Variants in DOK5 observed in about 807,000 individuals in gnomAD.
DOK5 encodes the protein downstream of tyrosine kinase 5.
In DOK5, 27 loss-of-function variants were observed where a neutral mutation model predicts 43.3. That is an observed-to-expected ratio of 0.62 (90% CI 0.46 to 0.86). DOK5 has a LOEUF of 0.86. DOK5 is among the 40% of genes least tolerant of loss of function. The pLI, the probability that DOK5 is intolerant of heterozygous loss-of-function variation, is 0.00. For missense variants in DOK5, 373 were observed against 392.9 expected (o/e 0.95, Z 0.43); for synonymous variants, 146 against 140.1 (o/e 1.04, Z -0.30).
intron 1 of DOK5, among the ~76,000 whole-genome samples, chr20:54,479,967 C>T (rs1484700934): frequency 1.3e-5 from 2 of 152,072 alleles, no homozygotes; most frequent in African/African-American, 2.4e-5. Flanking sequence ...ATCCGGCTGT[C>T]ACCTCACGCT....
At chr20:54,484,699 A>G (rs1981859777) in intron 1 of DOK5, among the ~76,000 whole-genome samples, 1 of 152,022 alleles carries the variant, frequency 6.6e-6, no homozygotes, top group African/African-American at 2.4e-5. Flanking sequence ...TCCTTTTGTC[A>G]TTTTGTCATT....
At chr20:54,635,043 G>C (rs1227888146) in intron 6 of DOK5, among the ~76,000 whole-genome samples, 17 of 152,104 alleles carry the variant, frequency 1.1e-4, no homozygotes, top group Admixed American at 1.1e-3. Context: ...TGAAAAACCA[G>C]TTCAGCCCAT....
intron 7 of DOK5, among the ~76,000 whole-genome samples, chr20:54,644,719 A>ACAAAAC (rs1158595115): frequency 7.8e-5 from 10 of 128,070 alleles, no homozygotes; most frequent in Middle Eastern, 3.7e-3. Flanking sequence ...AAAAAAAAAA[A>ACAAAAC]AAAAACAAAA....
At position 54,478,017 on chromosome 20, in the gene DOK5, G is replaced by A. The variant is rs572111365; in HGVS notation, c.66+2005G>A. 2.0e-5 allele frequency among the ~76,000 whole-genome samples: 3 copies of A among 152,282 alleles called. No individual in the cohort carries two copies. The East Asian group carries it at 5.8e-4, about 29-fold the overall frequency. ...TTTTATGTTTTACAGCATTTTGGAT[G>A]CTAATGAGCAGTATACTTTCTCAAG... On this transcript the variant is annotated intron_variant, in intron 1 of 7. Transcript: ENST00000262593.
chr20:54,481,092 T>C (rs1981688472), intron 1 of DOK5, among the ~76,000 whole-genome samples: 1 of 117,744 alleles, frequency 8.5e-6, no homozygotes, highest in African/African-American at 4.0e-5. Context: ...TCATCTACCA[T>C]CTATCTATCT....
Position 54,650,709 on chromosome 20 carries a change from T to C in DOK5, c.*230T>C, listed in dbSNP as rs960142531. ...GTGCTCTATAGATATTGACTCTGTG[T>C]TCCCTCTTTTACAGCTGGACAGAAA... On this transcript the variant is annotated 3_prime_UTR_variant, in exon 8 of 8. Coordinates refer to ENST00000262593, the MANE Select transcript of DOK5 (RefSeq NM_018431.5). 2.5e-6 allele frequency: 1 copy of C among 402,066 alleles called. No individual in the cohort carries two copies. The highest frequency in any genetic ancestry group is 2.1e-5 in the African/African-American group (1 of 48,258). 24.9% of individuals were successfully genotyped at this position (402,066 alleles called of 1,614,324 possible).
intron 2 of DOK5, chr20:54,555,289 A>T (rs529987672): frequency 2.2e-4 from 94 of 423,014 alleles, no homozygotes; most frequent in African/African-American, 1.8e-3. Flanking sequence ...TATGGGACTT[A>T]TCATGTTGTT....
chr20:54,558,373 A>G (rs1984784127), intron 2 of DOK5, among the ~76,000 whole-genome samples: 2 of 152,302 alleles, frequency 1.3e-5, no homozygotes, highest in South Asian at 4.1e-4. Context: ...ATTCTCTTTC[A>G]CCTATAATAA....
intron 7 of DOK5, among the ~76,000 whole-genome samples, chr20:54,647,719 G>A (rs915653254): frequency 1.5e-4 from 23 of 152,022 alleles, no homozygotes; most frequent in African/African-American, 5.3e-4. Context: ...GGTCAAACGC[G>A]TCTGGGGGAA....
At chr20:54,486,960 A>T (rs887431269) in intron 1 of DOK5, among the ~76,000 whole-genome samples, 32 of 152,184 alleles carry the variant, frequency 2.1e-4, no homozygotes, top group African/African-American at 7.2e-4. Context: ...AATAAAAAAA[A>T]AGGTTGCATT....
chr20:54,487,461 T>A (rs1369937216), intron 1 of DOK5, among the ~76,000 whole-genome samples: 4 of 152,148 alleles, frequency 2.6e-5, no homozygotes, highest in African/African-American at 7.2e-5. Context: ...AAAAGCAAAG[T>A]AACTTAATTA....
At chr20:54,639,829 C>T (rs192077359) in intron 6 of DOK5, among the ~76,000 whole-genome samples, 2 of 152,196 alleles carry the variant, frequency 1.3e-5, no homozygotes, top group East Asian at 3.9e-4. Context: ...AAAACATTAC[C>T]AAACTTCTAG....
At position 54,650,505 on chromosome 20, in the gene DOK5, C is replaced by T. The variant is rs535580638; in HGVS notation, c.*26C>T. 4 of 1,608,504 alleles carry T rather than the reference C, an allele frequency of 2.5e-6. No individual in the cohort carries two copies. The South Asian group carries it at 3.3e-5, about 13-fold the overall frequency. ...CAGTAACTGCCAAGAATTGTTAACA[C>T]ACTTGTGATGTGTCAGCCACAGATT... On this transcript the variant is annotated 3_prime_UTR_variant, in exon 8 of 8. Transcript: ENST00000262593.
At chr20:54,601,329 A>C (rs1424239157) in intron 5 of DOK5, among the ~76,000 whole-genome samples, 2 of 152,254 alleles carry the variant, frequency 1.3e-5, no homozygotes, top group Non-Finnish European at 2.9e-5. Context: ...ATTCCAACCC[A>C]TTTCTTATAA....
intron 1 of DOK5, among the ~76,000 whole-genome samples, chr20:54,537,494 A>G (rs181056280): frequency 3.3e-4 from 51 of 152,334 alleles, no homozygotes; most frequent in African/African-American, 1.1e-3. Context: ...AATGTTCTCA[A>G]GAGAAATGAG....
intron 5 of DOK5, among the ~76,000 whole-genome samples, chr20:54,592,912 C>A (rs1387057921): frequency 2.6e-5 from 4 of 152,112 alleles, no homozygotes; most frequent in African/African-American, 9.7e-5. Flanking sequence ...TGACATTACA[C>A]TCAAATTGAA....
chr20:54,627,680 G>A (rs1012917731), intron 6 of DOK5, among the ~76,000 whole-genome samples: 5 of 152,308 alleles, frequency 3.3e-5, no homozygotes, highest in East Asian at 1.9e-4. Flanking sequence ...TCCAACTTAC[G>A]TGTGCATCAC....
chr20:54,565,278 T>TA (rs1985057035), intron 2 of DOK5, among the ~76,000 whole-genome samples: 1 of 152,172 alleles, frequency 6.6e-6, no homozygotes, highest in African/African-American at 2.4e-5. Flanking sequence ...TAACTAATAA[T>TA]AAAATAGAAC....
In DOK5 at chr20:54,609,640, A is replaced by G. The variant is rs140951539; in HGVS notation, c.600-748A>G. 2.5e-3 allele frequency among the ~76,000 whole-genome samples: 376 copies of G among 152,190 alleles called. 2 individuals carry two copies. In the Middle Eastern group the frequency reaches 0.031, roughly 12 times the overall value. ...AAATATATTTAAGTAAAAAGCATTT[A>G]TTTGTTTCTTGCCTAATTGTGTGTA... On this transcript the variant is annotated intron_variant, in intron 5 of 7. Transcript: ENST00000262593.
Sources: gnomAD v4.1 joint callset for allele counts (sites outside exome capture counted in the v4.1 genomes callset) on GRCh38, gnomAD v4.1.1 for gene constraint, MANE v1.5 for transcripts, NCBI Gene and HGNC (gene_info 2026-07-23, HGNC 2026-07-21) for gene names.